The following ZNF577 variants were observed in gnomAD, a reference collection of about 807,000 sequenced individuals.
The protein encoded by ZNF577 is zinc finger protein 577.
A neutral mutation model predicts 13.9 loss-of-function variants in ZNF577; 14 were observed. The ratio of observed to expected loss-of-function variants is 1.00; its 90% confidence interval spans 0.66 to 1.57. The LOEUF is 1.57. Among genes scored for constraint, ZNF577 ranks in the 40% most tolerant of loss-of-function variants. ZNF577 has a pLI of 0.00. For missense variants in ZNF577, 555 were observed against 579.2 expected (o/e 0.96, Z 0.43); for synonymous variants, 203 against 202.9 (o/e 1.00, Z 0.00).
At chr19:51,848,218 G>A (rs558437529) in intron 5 of ZNF577, among the ~76,000 whole-genome samples, 3 of 152,210 alleles carry the variant, frequency 2.0e-5, no homozygotes, top group East Asian at 3.9e-4. Flanking sequence ...CTAGTCTTCC[G>A]ACCTGACCAA....
intron 1 of ZNF577, among the ~76,000 whole-genome samples, chr19:51,884,361 T>C (rs1410491654): frequency 6.6e-6 from 1 of 152,198 alleles, no homozygotes; most frequent in African/African-American, 2.4e-5. Flanking sequence ...GCCTTGGATT[T>C]GCTATGAAAG....
rs201214634 is a variant in ZNF577 at position 51,835,411 on chromosome 19, T to TAA, written c.*599+4480_*599+4481dup. Among the ~76,000 whole-genome samples, 692 of 141,790 alleles carry TAA rather than the reference T, an allele frequency of 4.9e-3. 2 individuals are homozygous for TAA. The highest frequency in any genetic ancestry group is 0.012 in the African/African-American group (477 of 38,674). 93.0% of individuals were successfully genotyped at this position (141,790 alleles called of 152,430 possible). ...AATTGAATTTCTAATCAATACCCAT[T>TAA]AAAAAAAAAAAAAACTTCAGGCTTG... On this transcript the variant is annotated intron_variant and NMD_transcript_variant, in intron 9 of 10. Coordinates refer to the ZNF577 transcript ENST00000638827.
At chr19:51,880,453 T>A in intron 2 of ZNF577, 52 bp from the exon 3 acceptor site, 2 of 1,493,296 alleles carry the variant, frequency 1.3e-6, no homozygotes, top group African/African-American at 1.4e-5. Flanking sequence ...CACAGGGTCT[T>A]AACAGTCACT....
intron 2 of ZNF577, 21 bp from the exon 3 acceptor site, chr19:51,880,422 C>A (rs2084843896): frequency 6.2e-7 from 1 of 1,611,044 alleles, no homozygotes. Flanking sequence ...AAAGGAGACA[C>A]AGTTTAAAGC....
chr19:51,831,798 T>C (rs946454623), intron 9 of ZNF577, among the ~76,000 whole-genome samples: 2 of 152,216 alleles, frequency 1.3e-5, no homozygotes, highest in African/African-American at 4.8e-5. Flanking sequence ...ATCGATTATG[T>C]TAGTAATTAC....
chr19:51,834,440 T>C (rs1282182160), intron 9 of ZNF577, among the ~76,000 whole-genome samples: 1 of 152,200 alleles, frequency 6.6e-6, no homozygotes, highest in East Asian at 1.9e-4. Flanking sequence ...GGTTATAAAA[T>C]AAGTTTTAAT....
chr19:51,873,636 G>T lies in ZNF577; in HGVS notation c.354C>A (p.Cys118Ter), dbSNP rs1568447719. 1 of 1,614,092 alleles carries T rather than the reference G, an allele frequency of 6.2e-7. No individual in the cohort carries two copies. The highest frequency in any genetic ancestry group is 8.5e-7 in the Non-Finnish European group (1 of 1,180,014). ...SDAFGGYGRS[C>*]LHIKRDKTLT... ...GAGTTTTGTCACGCTTGATATGGAG[G>T]CATGATCTCCCATATCCACCAAATG... Residue 118 changes from cysteine to a stop codon, truncating the protein, a stop_gained, in exon 6 of 6, where the codon TGC becomes TGA. Coordinates refer to ENST00000638348, the MANE Select transcript of ZNF577 (RefSeq NM_001370449.1). LOFTEE classifies it low-confidence loss of function (END_TRUNC).
intron 8 of ZNF577, among the ~76,000 whole-genome samples, chr19:51,842,301 A>C (rs1161396522): frequency 6.6e-6 from 1 of 152,214 alleles, no homozygotes; most frequent in Non-Finnish European, 1.5e-5. Context: ...TAGAAAGTTA[A>C]TCCTCAGTGC....
intron 9 of ZNF577, among the ~76,000 whole-genome samples, chr19:51,822,733 C>T (rs180730218): frequency 6.6e-5 from 10 of 152,306 alleles, no homozygotes; most frequent in African/African-American, 2.2e-4. Context: ...TTCTGTTTAT[C>T]CCACAGACCT....
rs2084661582 is a variant in ZNF577, at chr19:51,871,673, C to T, written c.*859G>A. ...TTATCCTGGCTTATCTGGGTTTTCA[C>T]AGTGTAATCACAAGGGTCCTCAAAC... On this transcript the variant is annotated 3_prime_UTR_variant, in exon 6 of 6. Coordinates refer to ENST00000638348, the MANE Select transcript of ZNF577 (RefSeq NM_001370449.1). 6.6e-6 allele frequency: 1 copy of T among 152,062 alleles called. No individual in the cohort carries two copies. The highest frequency in any genetic ancestry group is 6.6e-5 in the Admixed American group (1 of 15,246). 9.4% of individuals were successfully genotyped at this position (152,062 alleles called of 1,614,324 possible). A position where few individuals can be genotyped will look rare whatever the true frequency, so the allele number is the denominator to read the frequency against.
Position 51,878,423 on chromosome 19 carries a change from T to G in ZNF577, c.153A>C (p.Val51=). The change falls in exon 4 of 6, where the codon GTA becomes GTC. Residue 51 remains valine (V), a synonymous_variant. Coordinates refer to ENST00000638348, the MANE Select transcript of ZNF577 (RefSeq NM_001370449.1). The stretch of plus-strand genomic sequence containing the variant: ...CTAGGTTGATGTAGTTCTCCAACAT[T>G]ACTTCCTTGTACAAGACCTTCTGAG... ...DQSQKVLYKE[V]MLENYINLVS... is the part of the protein sequence containing the mutation. 1 of 1,614,118 alleles carries G rather than the reference T, an allele frequency of 6.2e-7. No individual in the cohort carries two copies. Among genetic ancestry groups the G allele is most frequent in the Non-Finnish European group, 8.5e-7 (1 of 1,179,994 alleles).
intron 9 of ZNF577, chr19:51,823,921 C>T (rs2084210378): frequency 1.9e-6 from 3 of 1,614,002 alleles, no homozygotes; most frequent in Middle Eastern, 1.6e-4. Context: ...ATGACACGCA[C>T]AGTCAACACC....
chr19:51,818,269 C>CT (rs2084158410), intron 9 of ZNF577, among the ~76,000 whole-genome samples: 1 of 152,148 alleles, frequency 6.6e-6, no homozygotes, highest in Non-Finnish European at 1.5e-5. Flanking sequence ...CAATGATACC[C>CT]TTTTTGATAT....
At position 51,812,159 on chromosome 19, in the gene ZNF577, A is replaced by G. The variant is rs545165901; in HGVS notation, c.*600-485T>C. On this transcript the variant is annotated intron_variant and NMD_transcript_variant, in intron 9 of 10. Transcript: ENST00000638827. ...TAAATAATACATTAAAATTAAAGTA[A>G]ATTGTTTGCACTTAGAGATTGGCTT... Among the ~76,000 whole-genome samples the G allele has an allele frequency of 1.2e-4, 18 of 152,326 alleles. No individual in the cohort carries two copies. The South Asian group carries it at 3.5e-3, about 30-fold the overall frequency.
intron 5 of ZNF577, among the ~76,000 whole-genome samples, chr19:51,857,770 A>T (rs2084452775): frequency 6.6e-6 from 1 of 152,194 alleles, no homozygotes; most frequent in African/African-American, 2.4e-5. Flanking sequence ...ACATACACAC[A>T]CACACACGCA....
At chr19:51,878,090 ACC>A (rs1021975540) in intron 4 of ZNF577, 11 of 190,784 alleles carry the variant, frequency 5.8e-5, no homozygotes, top group African/African-American at 2.3e-4. Context: ...AATGGTGGTC[ACC>A]AGGAGCTGGG....
In ZNF577 at chr19:51,867,226, G is replaced by A. The variant is rs1010319866; in HGVS notation, c.*5306C>T. Among the ~76,000 whole-genome samples, 1 of 152,022 alleles carries A rather than the reference G, an allele frequency of 6.6e-6. No homozygotes were observed. The highest frequency in any genetic ancestry group is 2.4e-5 in the African/African-American group (1 of 41,382). Reference sequence around the variant, plus strand: ...TCCATTTAATAGTTATTTGTCTTAAGCCTTGCAAAGTCATTGGAAAGAAAG... The same window carrying A: ...TCCATTTAATAGTTATTTGTCTTAAACCTTGCAAAGTCATTGGAAAGAAAG... On this transcript the variant is annotated 3_prime_UTR_variant, in exon 6 of 6. Transcript: ENST00000638348.
intron 5 of ZNF577, 118 bp downstream of exon 5, chr19:51,877,164 C>T (rs2084778229): frequency 3.9e-6 from 3 of 768,230 alleles, no homozygotes; most frequent in Admixed American, 2.5e-5. Flanking sequence ...GATTAGGTTT[C>T]TGGGCCACCA....
chr19:51,836,140 T>C (rs1009996758), intron 9 of ZNF577, among the ~76,000 whole-genome samples: 1 of 152,214 alleles, frequency 6.6e-6, no homozygotes, highest in Non-Finnish European at 1.5e-5. Context: ...AAAACAATAA[T>C]AAAAACCTTT....
Sources: gnomAD v4.1 joint callset for allele counts (sites outside exome capture counted in the v4.1 genomes callset) on GRCh38, gnomAD v4.1.1 for gene constraint, MANE v1.5 for transcripts, NCBI Gene and HGNC (gene_info 2026-07-23, HGNC 2026-07-21) for gene names.